Variants in PTPRZ1 observed in about 807,000 individuals in gnomAD.
The protein encoded by PTPRZ1 is receptor-type tyrosine-protein phosphatase zeta.
A neutral mutation model predicts 214.1 loss-of-function variants in PTPRZ1; 82 were observed. The observed-to-expected ratio is 0.38, with a 90% CI of 0.32 to 0.46. The LOEUF (loss-of-function observed/expected upper bound fraction) is 0.46. Ranked by LOEUF, PTPRZ1 falls within the 20% of genes least tolerant of loss-of-function variation. The probability of loss-of-function intolerance (pLI) is 1.00; values close to 1 mark genes in which losing one functional copy is unlikely to be tolerated. For missense variants in PTPRZ1, 2,603 were observed against 2,748.7 expected, an observed-to-expected ratio of 0.95 and a Z score of 1.19; for synonymous variants, 945 against 987.9, an observed-to-expected ratio of 0.96 and a Z score of 0.81.
intron 2 of PTPRZ1, among the ~76,000 whole-genome samples, chr7:121,932,110 C>T (rs1305854001): frequency 6.6e-6 from 1 of 152,142 alleles, no homozygotes; most frequent in South Asian, 2.1e-4. Flanking sequence ...GTACATTTTA[C>T]AACCCTTCGT....
At chr7:121,994,480 G>C (rs4301385) in intron 8 of PTPRZ1, among the ~76,000 whole-genome samples, 63,021 of 151,402 alleles carry the variant, frequency 0.42, 13,455 homozygotes, top group South Asian at 0.58. Context: ...ATTTTTAGTA[G>C]AGACAGGGTT....
chr7:121,958,909 C>T (rs561672748), intron 2 of PTPRZ1, among the ~76,000 whole-genome samples: 30 of 152,186 alleles, frequency 2.0e-4, no homozygotes, highest in Non-Finnish European at 2.8e-4. Flanking sequence ...CTGCAACCTC[C>T]GCCTCCCAGG....
intron 1 of PTPRZ1, among the ~76,000 whole-genome samples, chr7:121,902,899 T>G (rs1454326507): frequency 6.6e-6 from 1 of 152,156 alleles, no homozygotes; most frequent in Non-Finnish European, 1.5e-5. Context: ...CTGTATTTCT[T>G]CAAGATTCCA....
At chr7:121,941,358 T>A (rs1438507886) in intron 2 of PTPRZ1, among the ~76,000 whole-genome samples, 1 of 152,212 alleles carries the variant, frequency 6.6e-6, no homozygotes, top group Non-Finnish European at 1.5e-5. Flanking sequence ...TTTTGTGTTG[T>A]TTAAGTGATG....
chr7:122,021,366 T>A (rs1436757810), intron 13 of PTPRZ1, among the ~76,000 whole-genome samples: 1 of 152,166 alleles, frequency 6.6e-6, no homozygotes, highest in Non-Finnish European at 1.5e-5. Context: ...TGACCTTCAA[T>A]AAGATATTTC....
At chr7:121,935,384 G>T (rs765186290) in intron 2 of PTPRZ1, among the ~76,000 whole-genome samples, 77 of 152,176 alleles carry the variant, frequency 5.1e-4, no homozygotes, top group Admixed American at 6.5e-4. Flanking sequence ...TCAGAATGAG[G>T]AAACTTGGCC....
At chr7:121,895,339 T>C (rs765948795) in intron 1 of PTPRZ1, among the ~76,000 whole-genome samples, 4 of 152,152 alleles carry the variant, frequency 2.6e-5, no homozygotes, top group Non-Finnish European at 5.9e-5. Flanking sequence ...TTTTGGGAGC[T>C]AGATTATTGA....
At chr7:121,994,029 A>C (rs937716406) in intron 8 of PTPRZ1, among the ~76,000 whole-genome samples, 14 of 152,162 alleles carry the variant, frequency 9.2e-5, no homozygotes, top group African/African-American at 2.9e-4. Context: ...ACAGATTTAC[A>C]AGGAGGAGAA....
At chr7:122,002,922 A>C (rs993876675) in intron 10 of PTPRZ1, among the ~76,000 whole-genome samples, 1 of 152,228 alleles carries the variant, frequency 6.6e-6, no homozygotes, top group Non-Finnish European at 1.5e-5. Context: ...ATTATTTTCA[A>C]TAAAACTAGG....
In PTPRZ1 at chr7:121,996,423, AATT is replaced by A. The variant is rs752807880; in HGVS notation, c.973_975del (p.Tyr325del). ...AGAAAATGTTCAGGCTGACCCAGAG[AATT>A]ATACCAGCCTTCTTGTTACATGGGA... On this transcript the variant is annotated inframe_deletion, in exon 9 of 30. Transcript: ENST00000393386. The A allele has an allele frequency of 3.7e-6, 6 of 1,611,642 alleles. No individual in the cohort carries two copies. Among genetic ancestry groups the A allele is most frequent in the Non-Finnish European group, 5.1e-6 (6 of 1,178,590 alleles).
rs968481767 is a variant in PTPRZ1 at position 122,012,873 on chromosome 7, G to C, written c.3827G>C (p.Ser1276Thr). The part of the protein sequence containing the change: ...SEKYEPVLLK[S>T]ESSHQVVPSL... ...AAATATGAACCAGTTTTGTTAAAAA[G>C]TGAAAGTTCCCACCAAGTGGTACCT... Residue 1276 changes from serine (S) to threonine (T), a missense_variant, in exon 12 of 30, where the codon AGT becomes ACT. Around this residue, in one of 6 missense-constraint regions of PTPRZ1, gnomAD observed 1,913 missense variants for 1,914.3 expected, o/e 1.00. Transcript: ENST00000393386. The C allele has an allele frequency of 6.2e-7, 1 of 1,614,130 alleles. No homozygotes were observed. Among genetic ancestry groups the C allele is most frequent in the Non-Finnish European group, 8.5e-7 (1 of 1,180,012 alleles).
At chr7:121,958,079 T>G (rs1796766623) in intron 2 of PTPRZ1, among the ~76,000 whole-genome samples, 1 of 152,350 alleles carries the variant, frequency 6.6e-6, no homozygotes, top group South Asian at 2.1e-4. Flanking sequence ...CCATTTCTCA[T>G]CCTTGCGTCT....
chr7:121,937,934 T>TC (rs1796133073), intron 2 of PTPRZ1, among the ~76,000 whole-genome samples: 1 of 152,178 alleles, frequency 6.6e-6, no homozygotes, highest in African/African-American at 2.4e-5. Flanking sequence ...GATATTTTTT[T>TC]CCCACAAGGA....
At chr7:121,878,890 GA>G (rs200941915) in intron 1 of PTPRZ1, among the ~76,000 whole-genome samples, 2 of 150,972 alleles carry the variant, frequency 1.3e-5, no homozygotes, top group Admixed American at 6.6e-5. Context: ...AAGCTTCTTA[GA>G]AAAAAAAATA....
Position 122,012,663 on chromosome 7 carries a change from C to T in PTPRZ1, c.3617C>T (p.Pro1206Leu). 1 of 1,613,296 alleles carries T rather than the reference C, an allele frequency of 6.2e-7. No individual in the cohort carries two copies. The highest frequency in any genetic ancestry group is 8.5e-7 in the Non-Finnish European group (1 of 1,179,394). The change falls in exon 12 of 30, where the codon CCA (proline) becomes CTA (leucine). Residue 1206 changes from proline to leucine, a missense_variant. Pro to Leu is a moderately conservative substitution (Grantham distance 98, BLOSUM62 -3). Around this residue, in one of 6 missense-constraint regions of PTPRZ1, gnomAD observed 1,913 missense variants for 1,914.3 expected, o/e 1.00. Coordinates refer to ENST00000393386, the MANE Select transcript of PTPRZ1 (RefSeq NM_002851.3). ...GTTCTTCCAGCTGTGCCCAGTGATC[C>T]AATATTGGTTGAAACCCCCAAAGTT... ...KTVLPAVPSD[P>L]ILVETPKVDK...
At chr7:121,953,580 T>C (rs1012893822) in intron 2 of PTPRZ1, among the ~76,000 whole-genome samples, 8 of 152,236 alleles carry the variant, frequency 5.3e-5, no homozygotes, top group African/African-American at 1.9e-4. Flanking sequence ...ACTTTTCTCT[T>C]GTACAGAATC....
At chr7:121,877,347 C>T (rs1352183027) in intron 1 of PTPRZ1, among the ~76,000 whole-genome samples, 1 of 152,210 alleles carries the variant, frequency 6.6e-6, no homozygotes, top group Non-Finnish European at 1.5e-5. Flanking sequence ...TTGGCATTCA[C>T]TAGCTTGCTT....
Position 121,955,485 on chromosome 7 carries a change from ATTGGTAATAACAAGAC to A in PTPRZ1, c.125-12464_125-12449del, listed in dbSNP as rs1584679164. Among the ~76,000 whole-genome samples, 3 of 151,960 alleles carry A rather than the reference ATTGGTAATAACAAGAC, an allele frequency of 2.0e-5. No individual in the cohort carries two copies. The East Asian group carries it at 5.8e-4, about 29-fold the overall frequency. On this transcript the variant is annotated intron_variant, in intron 2 of 29. Coordinates refer to ENST00000393386, the MANE Select transcript of PTPRZ1 (RefSeq NM_002851.3). ...TGTTTTGTTCTGCATTTGCCGTCTC[ATTGGTAATAACAAGAC>A]TGCAGCAACAAAGGAAAGAAATCTC...
intron 1 of PTPRZ1, among the ~76,000 whole-genome samples, chr7:121,900,606 T>C (rs1466680761): frequency 6.6e-6 from 1 of 152,188 alleles, no homozygotes; most frequent in Non-Finnish European, 1.5e-5. Context: ...CAAACAGCTT[T>C]GATATAGTGG....
Sources: gnomAD v4.1 joint callset for allele counts (sites outside exome capture counted in the v4.1 genomes callset) on GRCh38, gnomAD v4.1.1 for gene constraint, gnomAD v4.1.1 regional missense constraint, MANE v1.5 for transcripts, NCBI Gene and HGNC (gene_info 2026-07-23, HGNC 2026-07-21) for gene names.